PLCB1: variants seen among roughly 807,000 people sequenced by gnomAD.
PLCB1 encodes 1-phosphatidylinositol 4,5-bisphosphate phosphodiesterase beta-1.
Under a neutral mutation model 161.8 loss-of-function variants are expected in PLCB1, and 46 were observed. The ratio of observed to expected loss-of-function variants is 0.28; its 90% CI spans 0.22 to 0.36. The LOEUF is 0.36. Ranked by LOEUF, PLCB1 falls within the 10% of genes least tolerant of loss-of-function variation. The pLI, the probability that PLCB1 is intolerant of heterozygous loss-of-function variation, is 1.00. For synonymous variants in PLCB1, 517 were observed against 503.7 expected (o/e 1.03, Z -0.35); for missense variants, 1,016 against 1,472.5 (o/e 0.69, Z 5.07).
intron 11 of PLCB1, among the ~76,000 whole-genome samples, chr20:8,699,450 G>A (rs929116266): frequency 5.3e-5 from 8 of 152,218 alleles, no homozygotes; most frequent in African/African-American, 1.7e-4. Flanking sequence ...TGGCAGAAGT[G>A]AAGAAGAGGT....
At chr20:8,703,971 C>CTTTCATTATT (rs1568566826) in intron 11 of PLCB1, among the ~76,000 whole-genome samples, 1 of 152,158 alleles carries the variant, frequency 6.6e-6, no homozygotes, top group Admixed American at 6.5e-5. Context: ...GCCGAAATAC[C>CTTTCATTATT]AATGAGGTGA....
chr20:8,550,231 G>A (rs1018915822), intron 3 of PLCB1, among the ~76,000 whole-genome samples: 3 of 152,160 alleles, frequency 2.0e-5, no homozygotes, highest in Non-Finnish European at 2.9e-5. Flanking sequence ...GGGTATGATT[G>A]TGTTTTGAAA....
intron 4 of PLCB1, among the ~76,000 whole-genome samples, chr20:8,632,371 C>T (rs1302783280): frequency 6.6e-6 from 1 of 152,106 alleles, no homozygotes. Context: ...TATTCAACAA[C>T]ATTTTGTTAA....
chr20:8,602,903 G>T (rs965374354), intron 3 of PLCB1, among the ~76,000 whole-genome samples: 1 of 152,188 alleles, frequency 6.6e-6, no homozygotes, highest in African/African-American at 2.4e-5. Flanking sequence ...GTGTTCAGAG[G>T]TGTGGTTCAG....
chr20:8,749,132 A>G (rs940647932), intron 23 of PLCB1, among the ~76,000 whole-genome samples: 2 of 152,194 alleles, frequency 1.3e-5, no homozygotes, highest in African/African-American at 2.4e-5. Context: ...ATGTACCAGA[A>G]TCACCCAGAT....
chr20:8,232,444 T>C (rs1358414654), intron 2 of PLCB1, among the ~76,000 whole-genome samples: 1 of 152,198 alleles, frequency 6.6e-6, no homozygotes, highest in East Asian at 1.9e-4. Flanking sequence ...TCTGCTGCTC[T>C]GCTCTTCACT....
At chr20:8,340,836 A>G (rs1396042481) in intron 2 of PLCB1, among the ~76,000 whole-genome samples, 1 of 152,146 alleles carries the variant, frequency 6.6e-6, no homozygotes, top group Non-Finnish European at 1.5e-5. Context: ...GATCTCATGG[A>G]GTCTAGGGTG....
chr20:8,283,747 A>G (rs1456385668), intron 2 of PLCB1, among the ~76,000 whole-genome samples: 1 of 151,998 alleles, frequency 6.6e-6, no homozygotes, highest in Non-Finnish European at 1.5e-5. Context: ...ACTACTAAAT[A>G]GTACAAATTT....
At chr20:8,761,904 T>G (rs77645826) in intron 25 of PLCB1, among the ~76,000 whole-genome samples, 1 of 149,202 alleles carries the variant, frequency 6.7e-6, no homozygotes, top group Non-Finnish European at 1.5e-5. Context: ...CAACAAAACA[T>G]GTTTTTAAAA....
intron 2 of PLCB1, among the ~76,000 whole-genome samples, chr20:8,248,234 G>A (rs1980975534): frequency 6.6e-6 from 1 of 151,946 alleles, no homozygotes; most frequent in Non-Finnish European, 1.5e-5. Flanking sequence ...TGGAGGCAAG[G>A]TAGCTTGGCT....
At chr20:8,714,095 T>C (rs1273545049) in intron 12 of PLCB1, among the ~76,000 whole-genome samples, 1 of 152,156 alleles carries the variant, frequency 6.6e-6, no homozygotes, top group African/African-American at 2.4e-5. Context: ...CTTTGGCACA[T>C]GCTGACTTAC....
intron 9 of PLCB1, 68 bp from the exon 10 acceptor site, chr20:8,684,864 A>C: frequency 7.6e-7 from 1 of 1,316,308 alleles, no homozygotes; most frequent in Non-Finnish European, 1.1e-6. Context: ...GGAAAAAAAA[A>C]AAAAAAGAGG....
chr20:8,625,639 T>G (rs1484896087), intron 3 of PLCB1, among the ~76,000 whole-genome samples: 1 of 152,340 alleles, frequency 6.6e-6, no homozygotes, highest in African/African-American at 2.4e-5. Flanking sequence ...ACTATATGGT[T>G]TTAAAATATT....
At chr20:8,629,859 TTCTTTCTTTCTTTCTTTCTC>T (rs1988490058) in intron 4 of PLCB1, among the ~76,000 whole-genome samples, 1 of 100,140 alleles carries the variant, frequency 1.0e-5, no homozygotes, top group African/African-American at 4.3e-5. Flanking sequence ...CTTTCTTTCT[TTCTTTCTTTCTTTCTTTCTC>T]TCTCTCTTTC....
At chr20:8,466,335 AG>A (rs1364807565) in intron 3 of PLCB1, among the ~76,000 whole-genome samples, 10 of 72,596 alleles carry the variant, frequency 1.4e-4, no homozygotes, top group East Asian at 4.6e-4. Flanking sequence ...GGGGTGGGGG[AG>A]GGGGGAGGGA....
intron 3 of PLCB1, among the ~76,000 whole-genome samples, chr20:8,462,668 C>T (rs1178156660): frequency 6.6e-6 from 1 of 152,108 alleles, no homozygotes; most frequent in Non-Finnish European, 1.5e-5. Flanking sequence ...AATGTAAACG[C>T]AATCACTTGT....
At chr20:8,466,772 C>T (rs1297806947) in intron 3 of PLCB1, among the ~76,000 whole-genome samples, 1 of 152,076 alleles carries the variant, frequency 6.6e-6, no homozygotes, top group Non-Finnish European at 1.5e-5. Flanking sequence ...TCACAATTTT[C>T]CCCAATTTCA....
At chr20:8,828,631 T>C (rs1212841634) in intron 31 of PLCB1, among the ~76,000 whole-genome samples, 1 of 152,190 alleles carries the variant, frequency 6.6e-6, no homozygotes, top group African/African-American at 2.4e-5. Context: ...TATTGAGAAT[T>C]TCTGCAGAAC....
At chr20:8,565,461 A>G (rs1028879691) in intron 3 of PLCB1, among the ~76,000 whole-genome samples, 6 of 152,052 alleles carry the variant, frequency 3.9e-5, no homozygotes, top group Non-Finnish European at 5.9e-5. Context: ...CATTCTGCGC[A>G]TGTACTTAAA....
Sources: allele counts gnomAD v4.1 joint callset (sites outside exome capture counted in the v4.1 genomes callset), GRCh38; gene constraint gnomAD v4.1.1; transcripts MANE v1.5; gene names NCBI Gene and HGNC (gene_info 2026-07-23, HGNC 2026-07-21).